The following PRTFDC1 variants were observed in gnomAD, a reference collection of about 807,000 sequenced individuals.
PRTFDC1 encodes phosphoribosyl transferase domain containing 1.
In PRTFDC1, 38 loss-of-function variants were observed where a neutral mutation model predicts 34.6. The observed-to-expected ratio is 1.10, with a 90% confidence interval of 0.85 to 1.44. The LOEUF (loss-of-function observed/expected upper bound fraction) is 1.44, where lower values mean the gene tolerates loss of function less well. PRTFDC1 is among the 40% of genes most tolerant of loss of function. The pLI, the probability that PRTFDC1 is intolerant of heterozygous loss-of-function variation, is 0.00. For synonymous variants in PRTFDC1, 93 were observed against 98.1 expected (o/e 0.95, Z 0.31); for missense variants, 270 against 283.0 (o/e 0.95, Z 0.33).
At chr10:24,937,064 C>T in intron 3 of PRTFDC1, 120 bp downstream of exon 3, 1 of 917,282 alleles carries the variant, frequency 1.1e-6, no homozygotes, top group Non-Finnish European at 1.6e-6. Flanking sequence ...ATTAAAATTA[C>T]CCTTCATTTT....
chr10:24,946,262 T>G (rs1849248930), intron 1 of PRTFDC1, among the ~76,000 whole-genome samples: 1 of 152,120 alleles, frequency 6.6e-6, no homozygotes, highest in South Asian at 2.1e-4. Context: ...TTACTGTCTC[T>G]GAGATCCAGT....
intron 4 of PRTFDC1, among the ~76,000 whole-genome samples, chr10:24,860,592 T>C (rs1298406431): frequency 6.6e-6 from 1 of 152,206 alleles, no homozygotes; most frequent in Non-Finnish European, 1.5e-5. Context: ...TTTTTATTCA[T>C]TAAATCCATT....
chr10:24,863,968 C>T (rs1229789516), intron 4 of PRTFDC1, among the ~76,000 whole-genome samples: 2 of 138,944 alleles, frequency 1.4e-5, no homozygotes, highest in Non-Finnish European at 3.0e-5. Flanking sequence ...TGTGGTGAGC[C>T]ATGACTATGC....
chr10:24,887,233 G>A (rs1216124459), intron 3 of PRTFDC1, among the ~76,000 whole-genome samples: 1 of 151,352 alleles, frequency 6.6e-6, no homozygotes, highest in East Asian at 1.9e-4. Flanking sequence ...GCCTCCCAAA[G>A]TGCTGGGATT....
chr10:24,900,518 T>C (rs936575234), intron 3 of PRTFDC1, among the ~76,000 whole-genome samples: 3 of 152,236 alleles, frequency 2.0e-5, no homozygotes, highest in African/African-American at 7.2e-5. Context: ...CAGATCCTTC[T>C]AGAATCTTGA....
At chr10:24,919,009 A>G (rs1302747314) in intron 3 of PRTFDC1, among the ~76,000 whole-genome samples, 1 of 152,144 alleles carries the variant, frequency 6.6e-6, no homozygotes, top group Non-Finnish European at 1.5e-5. Context: ...CTTTCCTTAC[A>G]TGTAAAATGG....
chr10:24,908,604 G>A lies in PRTFDC1; in HGVS notation c.339+28580C>T, dbSNP rs112520539. On this transcript the variant is annotated intron_variant, in intron 3 of 8. Transcript: ENST00000320152. ...AGGGTATTTGGAGATTCTTGCAGGGGAGCACAGCTACTCATATACCCTTGA... is the reference window on the plus strand; with the variant it reads ...AGGGTATTTGGAGATTCTTGCAGGGAAGCACAGCTACTCATATACCCTTGA... 6,507 of 1,612,722 alleles carry A rather than the reference G, an allele frequency of 4.0e-3. 139 individuals carry two copies. The African/African-American group carries it at 0.055, about 14-fold the overall frequency.
intron 3 of PRTFDC1, among the ~76,000 whole-genome samples, chr10:24,906,787 G>A (rs1848542847): frequency 1.3e-5 from 2 of 152,170 alleles, no homozygotes; most frequent in Admixed American, 6.5e-5. Flanking sequence ...TCGAGAGCTG[G>A]CTTGAGGGCT....
At chr10:24,897,268 C>T (rs61854291) in intron 3 of PRTFDC1, among the ~76,000 whole-genome samples, 17,670 of 152,094 alleles carry the variant, frequency 0.12, 1,266 homozygotes, top group East Asian at 0.29. Flanking sequence ...CAGTAGAAGT[C>T]CCCTCCTTGG....
intron 1 of PRTFDC1, among the ~76,000 whole-genome samples, chr10:24,945,128 C>G (rs758314827): frequency 1.1e-4 from 17 of 152,158 alleles, no homozygotes; most frequent in Non-Finnish European, 2.5e-4. Context: ...CCTTCCCTGA[C>G]CTTCATAGCC....
intron 3 of PRTFDC1, among the ~76,000 whole-genome samples, chr10:24,919,047 T>C (rs1272851056): frequency 1.3e-5 from 2 of 152,170 alleles, no homozygotes; most frequent in African/African-American, 2.4e-5. Context: ...ACTTATCAGG[T>C]TGTGGTGGGC....
At chr10:24,900,229 A>G (rs998975280) in intron 3 of PRTFDC1, among the ~76,000 whole-genome samples, 1 of 152,196 alleles carries the variant, frequency 6.6e-6, no homozygotes, top group Non-Finnish European at 1.5e-5. Context: ...TTCCTCCCAA[A>G]TGTAAATTCT....
intron 3 of PRTFDC1, among the ~76,000 whole-genome samples, chr10:24,916,480 C>T (rs1848697733): frequency 1.3e-5 from 2 of 152,198 alleles, no homozygotes; most frequent in African/African-American, 4.8e-5. Context: ...CATTATTTCT[C>T]CAAGTCACCT....
Position 24,952,547 on chromosome 10 carries a change from T to G in PRTFDC1, c.29A>C (p.Asp10Ala). 6.3e-7 allele frequency: 1 copy of G among 1,591,584 alleles called. No individual in the cohort carries two copies. Among genetic ancestry groups the G allele is most frequent in the Non-Finnish European group, 8.6e-7 (1 of 1,168,852 alleles). MAGSSEEAP[D>A]YGRGVVIMDD... Reference sequence around the variant, plus strand: ...ATTTACCACGACGCCTCGCCCGTAGTCTGGCGCCTCCTCGCTGCTCCCGGC... The same window carrying G: ...ATTTACCACGACGCCTCGCCCGTAGGCTGGCGCCTCCTCGCTGCTCCCGGC... The change falls in exon 1 of 9, where the codon GAC (aspartate) becomes GCC (alanine). Residue 10 changes from aspartate to alanine, a missense_variant. Transcript: ENST00000320152. This position sits in a 1 kb window ranked among gnomAD's most constrained non-coding sequence, Gnocchi z 5.1.
chr10:24,898,101 T>A (rs968843437), intron 3 of PRTFDC1, among the ~76,000 whole-genome samples: 1 of 152,032 alleles, frequency 6.6e-6, no homozygotes, highest in African/African-American at 2.4e-5. Flanking sequence ...TTTTCTCAGC[T>A]GCAAGTGACA....
chr10:24,942,500 A>G, intron 1 of PRTFDC1, 64 bp from the exon 2 acceptor site: 2 of 1,309,170 alleles, frequency 1.5e-6, no homozygotes, highest in Non-Finnish European at 2.2e-6. Context: ...AACATAACAA[A>G]AGAGTATCAC....
chr10:24,909,494 C>T (rs1848594258), intron 3 of PRTFDC1, among the ~76,000 whole-genome samples: 1 of 151,984 alleles, frequency 6.6e-6, no homozygotes, highest in Non-Finnish European at 1.5e-5. Context: ...TTTTTGTCCC[C>T]CTAATTCACA....
At chr10:24,881,487 A>C (rs1350869814) in intron 3 of PRTFDC1, among the ~76,000 whole-genome samples, 1 of 152,168 alleles carries the variant, frequency 6.6e-6, no homozygotes, top group African/African-American at 2.4e-5. Context: ...GCATGGAGTG[A>C]TCCTGAAACT....
intron 3 of PRTFDC1, among the ~76,000 whole-genome samples, chr10:24,923,485 G>A (rs943889700): frequency 6.6e-6 from 1 of 152,212 alleles, no homozygotes; most frequent in African/African-American, 2.4e-5. Flanking sequence ...CTGTTCTGCA[G>A]CCTCCGCTGG....
Sources: gnomAD v4.1 joint callset for allele counts (sites outside exome capture counted in the v4.1 genomes callset) on GRCh38, gnomAD v4.1.1 for gene constraint, Gnocchi (gnomAD v3.1) non-coding constraint, MANE v1.5 for transcripts, NCBI Gene and HGNC (gene_info 2026-07-23, HGNC 2026-07-21) for gene names.